The following FSTL5 variants were observed in gnomAD, a reference collection of about 807,000 sequenced individuals.
FSTL5 encodes follistatin like 5.
FSTL5 carries 62 observed loss-of-function variants against 89.1 expected under a neutral mutation model. The ratio of observed to expected loss-of-function variants is 0.70; its 90% CI spans 0.57 to 0.86. The LOEUF (loss-of-function observed/expected upper bound fraction) is 0.86. Ranked by LOEUF, FSTL5 falls within the 40% of genes least tolerant of loss-of-function variation. FSTL5 has a pLI of 0.00. For missense variants in FSTL5, 1,057 were observed against 1,001.6 expected (o/e 1.06, Z -0.75); for synonymous variants, 383 against 346.2 (o/e 1.11, Z -1.18).
At position 161,874,489 on chromosome 4, in the gene FSTL5, G is replaced by GA. The variant is rs751712019; in HGVS notation, c.409+45914dup. Among the ~76,000 whole-genome samples the GA allele has an allele frequency of 2.7e-5, 4 of 150,898 alleles. No homozygotes were observed. In the South Asian group the frequency reaches 8.4e-4, roughly 32 times the overall value. ...TAATTCTTGCTTTTCCTAAATTCTG[G>GA]AAAAAAATTAGCCATTTTATTTCTG... On this transcript the variant is annotated intron_variant, in intron 4 of 15. Transcript: ENST00000306100.
intron 14 of FSTL5, among the ~76,000 whole-genome samples, chr4:161,456,888 T>A (rs1232512472): frequency 2.0e-5 from 3 of 152,118 alleles, no homozygotes; most frequent in African/African-American, 7.2e-5. Flanking sequence ...GACCTACTCT[T>A]CTTCTTCCAG....
At chr4:161,779,759 T>TTATATATATATATATACATATATA (rs1240577419) in intron 4 of FSTL5, among the ~76,000 whole-genome samples, 1 of 31,184 alleles carries the variant, frequency 3.2e-5, no homozygotes, top group Non-Finnish European at 5.0e-5. Flanking sequence ...ATTTGTAAAG[T>TTATATATATATATATACATATATA]TATATATATA....
In FSTL5 at chr4:161,736,292, T is replaced by A. The variant is rs1025921810; in HGVS notation, c.727+23119A>T. Among the ~76,000 whole-genome samples, 6 of 141,100 alleles carry A rather than the reference T, an allele frequency of 4.3e-5. No homozygotes were observed. In the South Asian group the frequency reaches 6.8e-4, roughly 16 times the overall value. The allele number at this position is 141,100 out of a possible 152,430, so 92.6% of individuals were successfully genotyped here. On this transcript the variant is annotated intron_variant, in intron 6 of 15. Transcript: ENST00000306100. ...CATTTTTTATCACCATTTTGTTTAA[T>A]AAAAACACACATTATTAAGTCTTCT...
intron 15 of FSTL5, among the ~76,000 whole-genome samples, chr4:161,397,503 T>C (rs905996434): frequency 6.6e-6 from 1 of 151,588 alleles, no homozygotes; most frequent in Admixed American, 6.6e-5. Context: ...TGAGGTAATT[T>C]AATATTAAAC....
chr4:161,732,546 A>G (rs1175955506), intron 6 of FSTL5, among the ~76,000 whole-genome samples: 1 of 152,040 alleles, frequency 6.6e-6, no homozygotes, highest in Non-Finnish European at 1.5e-5. Context: ...TAATTTTTAT[A>G]TATAATTAAG....
intron 2 of FSTL5, among the ~76,000 whole-genome samples, chr4:162,037,351 G>A (rs766454891): frequency 4.0e-4 from 60 of 151,876 alleles, no homozygotes; most frequent in Non-Finnish European, 7.4e-4. Flanking sequence ...TGTAATAGAA[G>A]GAAAGGTGGT....
chr4:161,481,605 C>G (rs1278412782), intron 12 of FSTL5, among the ~76,000 whole-genome samples: 1 of 152,126 alleles, frequency 6.6e-6, no homozygotes, highest in Non-Finnish European at 1.5e-5. Context: ...GTCATGTAAT[C>G]TTGTGGAAAA....
intron 4 of FSTL5, among the ~76,000 whole-genome samples, chr4:161,879,359 C>A (rs192313074): frequency 4.3e-4 from 66 of 152,296 alleles, no homozygotes; most frequent in African/African-American, 1.4e-3. Flanking sequence ...CCTCAATCTG[C>A]AAATTATTCA....
chr4:162,140,334 T>A (rs1732678145), intron 1 of FSTL5, among the ~76,000 whole-genome samples: 1 of 152,180 alleles, frequency 6.6e-6, no homozygotes, highest in Non-Finnish European at 1.5e-5. Flanking sequence ...ATAGTAACAT[T>A]GTTTTTAATA....
rs547388355 is a variant in FSTL5, at chr4:161,665,304, C to G, written c.728-8810G>C. ...TCACCCAGGCTGGAGTACAGTGGCA[C>G]CATCTCAGCTCACTGCAAGCTCCGC... On this transcript the variant is annotated intron_variant, in intron 6 of 15. Coordinates refer to ENST00000306100, the MANE Select transcript of FSTL5 (RefSeq NM_020116.5). 2.1e-3 allele frequency among the ~76,000 whole-genome samples: 313 copies of G among 152,178 alleles called. 1 individual carries two copies. The highest frequency in any genetic ancestry group is 7.1e-3 in the African/African-American group (295 of 41,526).
chr4:161,818,769 A>C (rs914789191), intron 4 of FSTL5, among the ~76,000 whole-genome samples: 2 of 152,328 alleles, frequency 1.3e-5, no homozygotes, highest in East Asian at 3.9e-4. Flanking sequence ...GGAAACTTCC[A>C]TACTGAAAAA....
intron 4 of FSTL5, among the ~76,000 whole-genome samples, chr4:161,783,201 C>G (rs576675321): frequency 7.0e-4 from 106 of 152,116 alleles, no homozygotes; most frequent in Non-Finnish European, 1.4e-3. Flanking sequence ...TATTATAACT[C>G]ATCAAATGCA....
intron 6 of FSTL5, among the ~76,000 whole-genome samples, chr4:161,748,636 T>G (rs1740286546): frequency 7.2e-6 from 1 of 139,418 alleles, no homozygotes; most frequent in African/African-American, 2.7e-5. Flanking sequence ...TTTCTCAGAC[T>G]GAACAGTATC....
At chr4:161,675,498 G>A (rs1416881096) in intron 6 of FSTL5, among the ~76,000 whole-genome samples, 1 of 151,124 alleles carries the variant, frequency 6.6e-6, no homozygotes, top group East Asian at 2.0e-4. Flanking sequence ...ACTGAGTTCA[G>A]AGAAATTATC....
Position 161,528,655 on chromosome 4 carries a change from T to G in FSTL5, c.1312+9511A>C, listed in dbSNP as rs1731311934. On this transcript the variant is annotated intron_variant, in intron 10 of 15. Coordinates refer to ENST00000306100, the MANE Select transcript of FSTL5 (RefSeq NM_020116.5). Reference sequence around the variant, plus strand: ...AAGATACATTTGTTTTGTTAACTCTTTGCACATTTATGCCATTATCTGACC... The same window carrying G: ...AAGATACATTTGTTTTGTTAACTCTGTGCACATTTATGCCATTATCTGACC... 1.4e-5 allele frequency among the ~76,000 whole-genome samples: 2 copies of G among 143,436 alleles called. 1 individual carries two copies. Among genetic ancestry groups the G allele is most frequent in the Non-Finnish European group, 3.1e-5 (2 of 65,356 alleles). 94.1% of individuals were successfully genotyped at this position (143,436 alleles called of 152,430 possible). A position where few individuals can be genotyped will look rare whatever the true frequency, so the allele number is the denominator to read the frequency against.
At chr4:161,838,998 A>C (rs1203715445) in intron 4 of FSTL5, among the ~76,000 whole-genome samples, 2 of 152,102 alleles carry the variant, frequency 1.3e-5, no homozygotes, top group Non-Finnish European at 2.9e-5. Context: ...AAAATGAGAA[A>C]TCTTCAAACC....
chr4:161,495,924 A>C (rs1250936905), intron 12 of FSTL5, among the ~76,000 whole-genome samples: 1 of 152,192 alleles, frequency 6.6e-6, no homozygotes, highest in East Asian at 1.9e-4. Flanking sequence ...TATACAGTGC[A>C]TTTACACAGG....
chr4:161,468,050 T>A (rs766020098), intron 13 of FSTL5, among the ~76,000 whole-genome samples: 5 of 152,124 alleles, frequency 3.3e-5, no homozygotes, highest in South Asian at 2.1e-4. Flanking sequence ...TTGTCCAGAA[T>A]GGCCCACATA....
chr4:161,679,869 A>G (rs1228759496), intron 6 of FSTL5, among the ~76,000 whole-genome samples: 5 of 151,840 alleles, frequency 3.3e-5, no homozygotes, highest in Admixed American at 6.6e-5. Context: ...TTATATTCCA[A>G]AAAGTACAAA....
Sources: gnomAD v4.1 joint callset for allele counts (sites outside exome capture counted in the v4.1 genomes callset) on GRCh38, gnomAD v4.1.1 for gene constraint, MANE v1.5 for transcripts, NCBI Gene and HGNC (gene_info 2026-07-23, HGNC 2026-07-21) for gene names.